The following PCDH7 variants were observed in gnomAD, a reference collection of about 807,000 sequenced individuals.
PCDH7 encodes protocadherin-7.
In PCDH7, 17 loss-of-function variants were observed where a neutral mutation model predicts 58.9. The ratio of observed to expected loss-of-function variants is 0.29; its 90% CI spans 0.20 to 0.43. The LOEUF is 0.43. PCDH7 is among the 20% of genes least tolerant of loss of function. The pLI is 1.00. For synonymous variants in PCDH7, 664 were observed against 616.4 expected (o/e 1.08, Z -1.14); for missense variants, 1,274 against 1,441.0 (o/e 0.88, Z 1.88).
At chr4:31,050,046 A>G (rs1756611591) in intron 3 of PCDH7, among the ~76,000 whole-genome samples, 2 of 152,098 alleles carry the variant, frequency 1.3e-5, no homozygotes, top group African/African-American at 4.8e-5. Flanking sequence ...ATAAATCAAT[A>G]ATTACAGAGA....
intron 1 of PCDH7, among the ~76,000 whole-genome samples, chr4:30,753,512 C>T (rs550752058): frequency 2.0e-5 from 3 of 152,258 alleles, no homozygotes; most frequent in African/African-American, 4.8e-5. Context: ...GCACTTAGTA[C>T]GTGCAAAGGC....
Position 30,723,097 on chromosome 4 carries a change from G to A in PCDH7, c.1675G>A (p.Ala559Thr). 6.2e-7 allele frequency: 1 copy of A among 1,613,968 alleles called. No homozygotes were observed. Among genetic ancestry groups the A allele is most frequent in the Non-Finnish European group, 8.5e-7 (1 of 1,180,050 alleles). Residue 559 changes from alanine (A) to threonine (T), a missense_variant, in exon 1 of 2, where the codon GCG becomes ACG. Coordinates refer to ENST00000361762, the Ensembl canonical transcript of PCDH7. The surrounding 1 kb of genome is among the most constrained non-coding windows in gnomAD (Gnocchi z 4.6). The stretch of plus-strand genomic sequence containing the variant: ...GGGCGAGAGGGTGGCCACGGTGCTG[G>A]CGACAGACGCAGACAGCGGTAAGAA...
chr4:30,821,426 G>A (rs1465941411), intron 1 of PCDH7, among the ~76,000 whole-genome samples: 1 of 152,220 alleles, frequency 6.6e-6, no homozygotes, highest in South Asian at 2.1e-4. Context: ...TTGCACAGTT[G>A]ACTCATGGTG....
At chr4:31,142,424 C>G in intron 3 of PCDH7, 49 bp from the exon 3 acceptor site, 1 of 1,308,158 alleles carries the variant, frequency 7.6e-7, no homozygotes, top group Non-Finnish European at 1.0e-6. Flanking sequence ...ATCAGGGGAG[C>G]CTGTTGAGGA....
At chr4:31,099,526 T>C (rs1367701818) in intron 3 of PCDH7, among the ~76,000 whole-genome samples, 2 of 152,330 alleles carry the variant, frequency 1.3e-5, no homozygotes, top group East Asian at 3.9e-4. Context: ...CACACACAAA[T>C]GTATACATAT....
intron 1 of PCDH7, among the ~76,000 whole-genome samples, chr4:30,819,213 T>C (rs1577925810): frequency 6.6e-6 from 1 of 152,220 alleles, no homozygotes; most frequent in Non-Finnish European, 1.5e-5. Flanking sequence ...GTAAACAGTG[T>C]CTTTTAGGGA....
chr4:30,732,180 C>T (rs1162006238), exon 2 of PCDH7: 1 of 152,154 alleles, frequency 6.6e-6, no homozygotes, highest in Middle Eastern at 3.2e-3. Context: ...AACATCACTG[C>T]AAGTACAGTA....
chr4:30,873,375 C>T (rs1735860165), intron 1 of PCDH7, among the ~76,000 whole-genome samples: 1 of 151,948 alleles, frequency 6.6e-6, no homozygotes, highest in Admixed American at 6.6e-5. Flanking sequence ...AAATTGGATA[C>T]AATTTAATCA....
chr4:30,954,881 G>A (rs1010636606), intron 3 of PCDH7, among the ~76,000 whole-genome samples: 1 of 152,130 alleles, frequency 6.6e-6, no homozygotes, highest in African/African-American at 2.4e-5. Flanking sequence ...TGCAAAATAA[G>A]GAGACTGAGC....
At chr4:31,129,322 G>A (rs537314614) in intron 3 of PCDH7, among the ~76,000 whole-genome samples, 87 of 152,256 alleles carry the variant, frequency 5.7e-4, no homozygotes, top group Non-Finnish European at 8.8e-4. Flanking sequence ...AATCTTGAAC[G>A]AGATGCCTTG....
intron 3 of PCDH7, among the ~76,000 whole-genome samples, chr4:31,020,821 G>C (rs1753965559): frequency 6.6e-6 from 1 of 152,172 alleles, no homozygotes; most frequent in South Asian, 2.1e-4. Flanking sequence ...ATGCAGGGCT[G>C]TATATATTCC....
At chr4:30,968,406 A>C (rs1391795641) in intron 3 of PCDH7, among the ~76,000 whole-genome samples, 1 of 42,022 alleles carries the variant, frequency 2.4e-5, no homozygotes, top group Admixed American at 2.7e-4. Flanking sequence ...ATATATATAT[A>C]TATATATATG....
chr4:30,875,782 A>G (rs1229408063), intron 1 of PCDH7, among the ~76,000 whole-genome samples: 1 of 151,978 alleles, frequency 6.6e-6, no homozygotes. Context: ...TATTCATCCA[A>G]TTTTCTATGA....
At position 30,904,718 on chromosome 4, in the gene PCDH7, A is replaced by C. The variant is rs115625981; in HGVS notation, c.71-15435A>C. Among the ~76,000 whole-genome samples the C allele has an allele frequency of 5.2e-3, 787 of 152,292 alleles. 1 individual carries two copies. The highest frequency in any genetic ancestry group is 8.1e-3 in the Non-Finnish European group (553 of 68,018). On this transcript the variant is annotated intron_variant, in intron 1 of 3. Transcript: ENST00000509759. Reference sequence around the variant, plus strand: ...GTTGAATATATTTTTCCTTATGGTCACTGGTAGCTTTCCTTTCTAACAAAG... The same window carrying C: ...GTTGAATATATTTTTCCTTATGGTCCCTGGTAGCTTTCCTTTCTAACAAAG...
chr4:30,898,786 T>A (rs1352252830), intron 1 of PCDH7, among the ~76,000 whole-genome samples: 1 of 152,144 alleles, frequency 6.6e-6, no homozygotes, highest in East Asian at 1.9e-4. Flanking sequence ...AGAGACGGGG[T>A]TTCACTGTGT....
chr4:30,948,440 G>T (rs966397380), intron 2 of PCDH7, among the ~76,000 whole-genome samples: 4 of 151,952 alleles, frequency 2.6e-5, no homozygotes, highest in African/African-American at 7.3e-5. Context: ...AATAATCACT[G>T]AGGAATATTT....
chr4:31,131,152 G>T (rs1718931083), intron 3 of PCDH7, among the ~76,000 whole-genome samples: 1 of 152,122 alleles, frequency 6.6e-6, no homozygotes, highest in Non-Finnish European at 1.5e-5. Context: ...GCATAATGTT[G>T]GCATGAGGGG....
chr4:30,871,265 A>G (rs1735541749), intron 1 of PCDH7, among the ~76,000 whole-genome samples: 1 of 152,072 alleles, frequency 6.6e-6, no homozygotes, highest in Non-Finnish European at 1.5e-5. Flanking sequence ...TCTCTTGCAT[A>G]GAGACCAGTT....
intron 3 of PCDH7, among the ~76,000 whole-genome samples, chr4:31,032,614 A>G (rs1276213469): frequency 6.8e-6 from 1 of 146,630 alleles, no homozygotes; most frequent in African/African-American, 2.5e-5. Context: ...TCAAAAAAAA[A>G]AAAAAAGAAA....
Sources: gnomAD v4.1 joint callset for allele counts (sites outside exome capture counted in the v4.1 genomes callset) on GRCh38, gnomAD v4.1.1 for gene constraint, Gnocchi (gnomAD v3.1) non-coding constraint, MANE v1.5 for transcripts, NCBI Gene and HGNC (gene_info 2026-07-23, HGNC 2026-07-21) for gene names.